DCX: variants seen among roughly 807,000 people sequenced by gnomAD.
DCX encodes neuronal migration protein doublecortin.
Under a neutral mutation model 20.9 loss-of-function variants are expected in DCX, and 4 were observed. The observed-to-expected ratio is 0.19, with a 90% CI of 0.09 to 0.44. The LOEUF is 0.44. Among genes scored for constraint, DCX ranks in the 20% least tolerant of loss-of-function variants. The pLI is 0.99. For missense variants in DCX, 133 were observed against 296.9 expected (o/e 0.45, Z 4.06); for synonymous variants, 103 against 111.4 (o/e 0.92, Z 0.47).
rs1316046807 is a variant in DCX at position 111,296,076 on chromosome X, C to T, written c.*5611G>A. On this transcript the variant is annotated 3_prime_UTR_variant, in exon 7 of 7. Transcript: ENST00000636035. ...ATAATAAGAGGGAGAGACAGAATTG[C>T]ACAGGAGAAAGGATGGATGTTTGTA... is the stretch of plus-strand genomic sequence containing the variant. 1 of 111,730 alleles carries T rather than the reference C, an allele frequency of 9.0e-6. No individual in the cohort carries two copies. The highest frequency in any genetic ancestry group is 1.9e-5 in the Non-Finnish European group (1 of 53,175). The allele number at this position is 111,730 out of a possible 1,213,427, so 9.2% of individuals were successfully genotyped here.
chrX:111,374,328 G>A (rs1925351323), intron 3 of DCX, among the ~76,000 whole-genome samples: 1 of 112,251 alleles, frequency 8.9e-6, no homozygotes, highest in Non-Finnish European at 1.9e-5. Context: ...GTAGCTTTAA[G>A]AAGCTTTCTG....
At chrX:111,303,268 T>G (rs754173452) in intron 6 of DCX, among the ~76,000 whole-genome samples, 1 of 109,699 alleles carries the variant, frequency 9.1e-6, no homozygotes, top group Non-Finnish European at 1.9e-5. Context: ...TTTATACATG[T>G]TATCAGTAAG....
intron 5 of DCX, among the ~76,000 whole-genome samples, chrX:111,329,872 G>A (rs1921054441): frequency 1.8e-5 from 2 of 111,989 alleles, no homozygotes; most frequent in Non-Finnish European, 3.8e-5. Context: ...TTTTCCCAAG[G>A]CTCTCAGACT....
intron 2 of DCX, among the ~76,000 whole-genome samples, chrX:111,408,182 C>T (rs955561647): frequency 9.0e-6 from 1 of 111,516 alleles, no homozygotes; most frequent in Non-Finnish European, 1.9e-5. Context: ...TCAAAGTTGC[C>T]GTGACTCTCC....
At chrX:111,322,363 C>G (rs1461379480) in intron 5 of DCX, among the ~76,000 whole-genome samples, 1 of 111,942 alleles carries the variant, frequency 8.9e-6, no homozygotes, top group Non-Finnish European at 1.9e-5. Flanking sequence ...CCACATACCT[C>G]CCACTGTGAA....
chrX:111,387,560 T>C (rs1004846346), intron 3 of DCX, among the ~76,000 whole-genome samples: 8 of 111,949 alleles, frequency 7.1e-5, no homozygotes, highest in African/African-American at 2.6e-4. Flanking sequence ...AAGGCAAGGC[T>C]CCATTCTCTT....
chrX:111,317,059 A>G (rs1469315187), intron 5 of DCX, among the ~76,000 whole-genome samples: 1 of 112,388 alleles, frequency 8.9e-6, no homozygotes, highest in Non-Finnish European at 1.9e-5. Flanking sequence ...TTCTTCACAG[A>G]ACTAGGGAAA....
chrX:111,406,689 A>C (rs951347627), intron 2 of DCX, among the ~76,000 whole-genome samples: 1 of 112,569 alleles, frequency 8.9e-6, no homozygotes, highest in African/African-American at 3.2e-5. Context: ...GAAGCACAAA[A>C]GACCACATAG....
intron 3 of DCX, among the ~76,000 whole-genome samples, chrX:111,355,142 T>C (rs777009555): frequency 8.9e-6 from 1 of 112,762 alleles, no homozygotes; most frequent in Admixed American, 9.4e-5. Context: ...GCTAGCCTTC[T>C]AAAAAGTTCA....
At chrX:111,404,382 C>T (rs1218258261) in intron 2 of DCX, among the ~76,000 whole-genome samples, 1 of 112,416 alleles carries the variant, frequency 8.9e-6, no homozygotes. Flanking sequence ...TGGAAGGAGG[C>T]TTCCAGTTGT....
At chrX:111,311,354 C>T (rs897900109) in intron 6 of DCX, among the ~76,000 whole-genome samples, 1 of 111,112 alleles carries the variant, frequency 9.0e-6, no homozygotes, top group Non-Finnish European at 1.9e-5. Flanking sequence ...AGGCAGTAGC[C>T]AGATTAGCCA....
rs1285206287 is a variant in DCX at position 111,300,541 on chromosome X, C to T, written c.*1146G>A. 1 of 111,270 alleles carries T rather than the reference C, an allele frequency of 9.0e-6. No individual in the cohort carries two copies. Among genetic ancestry groups the T allele is most frequent in the Admixed American group, 9.6e-5 (1 of 10,441 alleles). The allele number at this position is 111,270 out of a possible 1,213,427, so 9.2% of individuals were successfully genotyped here. ...ACTGATTCTATTGAATTGGCCTCTGCTATTCATCTTGTTTTCTCCTGGAGG... is the reference window on the plus strand; with the variant it reads ...ACTGATTCTATTGAATTGGCCTCTGTTATTCATCTTGTTTTCTCCTGGAGG... On this transcript the variant is annotated 3_prime_UTR_variant, in exon 7 of 7. Transcript: ENST00000636035.
chrX:111,303,019 G>T lies in DCX; in HGVS notation c.1045-1276C>A, dbSNP rs189164953. On this transcript the variant is annotated intron_variant, in intron 6 of 6. Coordinates refer to ENST00000636035, the MANE Select transcript of DCX (RefSeq NM_001195553.2). ...TTATTTTATGGATTTTACTTTTGTT[G>T]TCAAGTCTAAGAATTCTTTGCTTAT... Among the ~76,000 whole-genome samples, 10 of 109,747 alleles carry T rather than the reference G, an allele frequency of 9.1e-5. No individual in the cohort carries two copies. In the East Asian group the frequency reaches 2.5e-3, roughly 28 times the overall value.
At chrX:111,396,792 T>C (rs1326421215) in intron 3 of DCX, among the ~76,000 whole-genome samples, 2 of 111,906 alleles carry the variant, frequency 1.8e-5, no homozygotes, top group Non-Finnish European at 3.8e-5. Context: ...TCCTCTATCA[T>C]GTCCTCTTTG....
chrX:111,371,878 T>C (rs1440777193), intron 3 of DCX, among the ~76,000 whole-genome samples: 2 of 110,577 alleles, frequency 1.8e-5, no homozygotes, highest in East Asian at 5.7e-4. Context: ...AACTACTATG[T>C]ATTAATTATA....
intron 3 of DCX, among the ~76,000 whole-genome samples, chrX:111,376,864 A>G (rs746347036): frequency 8.9e-6 from 1 of 112,203 alleles, no homozygotes; most frequent in Non-Finnish European, 1.9e-5. Context: ...AGTGCATTGC[A>G]TAGTAGTTAG....
intron 5 of DCX, among the ~76,000 whole-genome samples, chrX:111,327,930 C>T (rs752968339): frequency 8.9e-6 from 1 of 112,631 alleles, no homozygotes; most frequent in Admixed American, 9.4e-5. Context: ...GGGTTGGAAT[C>T]ATGAGGAGGC....
intron 3 of DCX, among the ~76,000 whole-genome samples, chrX:111,375,275 T>C (rs948783924): frequency 9.1e-6 from 1 of 110,106 alleles, no homozygotes; most frequent in African/African-American, 3.3e-5. Context: ...TAATAAGGTC[T>C]GTGGATTGTA....
intron 3 of DCX, among the ~76,000 whole-genome samples, chrX:111,388,567 C>T (rs1306815443): frequency 3.6e-5 from 4 of 112,411 alleles, no homozygotes; most frequent in Non-Finnish European, 7.5e-5. Flanking sequence ...CTGGTCTAAA[C>T]ACAAGCAGGT....
Sources: gnomAD v4.1 joint callset for allele counts (sites outside exome capture counted in the v4.1 genomes callset) on GRCh38, gnomAD v4.1.1 for gene constraint, MANE v1.5 for transcripts, NCBI Gene and HGNC (gene_info 2026-07-23, HGNC 2026-07-21) for gene names.